Variants in JCAD observed in about 807,000 individuals in gnomAD.
JCAD encodes junctional cadherin 5 associated, also known as junctional cadherin 5-associated protein.
JCAD carries 40 observed loss-of-function variants against 98.0 expected under a neutral mutation model. The ratio of observed to expected loss-of-function variants is 0.41; its 90% confidence interval spans 0.32 to 0.53. JCAD has a LOEUF of 0.53. Among genes scored for constraint, JCAD ranks in the 20% least tolerant of loss-of-function variants. The pLI is 0.31. For missense variants in JCAD, 1,705 were observed against 1,738.1 expected, an observed-to-expected ratio of 0.98 and a Z score of 0.34; for synonymous variants, 691 against 682.3, an observed-to-expected ratio of 1.01 and a Z score of -0.20.
At chr10:30,062,528 G>C (rs541020281), upstream of JCAD, among the ~76,000 whole-genome samples, 1 of 152,350 alleles carries the variant, frequency 6.6e-6, no homozygotes, top group East Asian at 1.9e-4. Context: ...AAAGAGGAAA[G>C]AGGGTGTATT....
intron 2 of JCAD, among the ~76,000 whole-genome samples, chr10:30,031,428 G>C (rs956810837): frequency 6.7e-6 from 1 of 150,254 alleles, no homozygotes; most frequent in African/African-American, 2.5e-5. Flanking sequence ...ACCATGCCTG[G>C]CCCATCTGTA....
chr10:30,039,788 G>T (rs1302269513), intron 2 of JCAD, among the ~76,000 whole-genome samples: 1 of 152,084 alleles, frequency 6.6e-6, no homozygotes. Context: ...GGCGGCGTGG[G>T]TTTAAAGGCC....
chr10:30,040,358 AG>A (rs1468810106), intron 2 of JCAD, among the ~76,000 whole-genome samples: 1 of 152,228 alleles, frequency 6.6e-6, no homozygotes, highest in African/African-American at 2.4e-5. Flanking sequence ...CGTATCTAAT[AG>A]GTAAGGCAGA....
intron 1 of JCAD, among the ~76,000 whole-genome samples, chr10:30,094,342 C>T (rs768251291): frequency 7.9e-5 from 12 of 151,564 alleles, no homozygotes; most frequent in African/African-American, 2.4e-4. Flanking sequence ...TCCAGCTACT[C>T]GGAGGCTGAG....
chr10:30,072,848 C>T (rs909716784), intron 1 of JCAD, among the ~76,000 whole-genome samples: 1 of 152,118 alleles, frequency 6.6e-6, no homozygotes, highest in Non-Finnish European at 1.5e-5. Context: ...GACAAGGTTT[C>T]ACTATGTTGG....
rs138764094 is a variant in JCAD at position 30,044,095 on chromosome 10, C to G, written c.281+3437G>C. 1.8e-4 allele frequency among the ~76,000 whole-genome samples: 28 copies of G among 152,252 alleles called. No individual in the cohort carries two copies. In the East Asian group the frequency reaches 5.2e-3, roughly 28 times the overall value. On this transcript the variant is annotated intron_variant, in intron 2 of 3. Coordinates refer to ENST00000375377, the MANE Select transcript of JCAD (RefSeq NM_020848.4). Reference sequence around the variant, plus strand: ...TTGTTTGATCTCACTCTCTCACCTTCCACCATGAGATGACACAGCAAGAAG... The same window carrying G: ...TTGTTTGATCTCACTCTCTCACCTTGCACCATGAGATGACACAGCAAGAAG...
At chr10:30,025,213 C>G (rs1836763885) in intron 3 of JCAD, among the ~76,000 whole-genome samples, 1 of 151,820 alleles carries the variant, frequency 6.6e-6, no homozygotes, top group South Asian at 2.1e-4. Context: ...TTCTTTTCCC[C>G]TTACTGTAAA....
In JCAD at chr10:30,068,280, A is replaced by T. The variant is rs186732255; in HGVS notation, n.250+1420T>A. On this transcript the variant is annotated intron_variant and non_coding_transcript_variant, in intron 2 of 2. Coordinates refer to the JCAD transcript ENST00000465712. ...GTGGCAGGTACCTATAATCCCAGCT[A>T]CTTGGGAGGCTGAGGCAGGAGAATC... Among the ~76,000 whole-genome samples, 4 of 150,682 alleles carry T rather than the reference A, an allele frequency of 2.7e-5. No individual in the cohort carries two copies. In the East Asian group the frequency reaches 8.0e-4, roughly 30 times the overall value.
At chr10:30,046,636 T>A (rs1220519434) in intron 2 of JCAD, among the ~76,000 whole-genome samples, 1 of 152,190 alleles carries the variant, frequency 6.6e-6, no homozygotes, top group Non-Finnish European at 1.5e-5. Context: ...GACTCCTATC[T>A]GAGGCAAGAT....
In JCAD at chr10:30,028,757, G is replaced by C. The variant is rs543778736; in HGVS notation, c.1391C>G (p.Ala464Gly). ...ACCATCAGGCTGCATTCCTCCATGA[G>C]CCGGCTCTTGAGCAGTGACAGGACT... ...NSSPVTAQEP[A>G]HGGMQPDGAI... Residue 464 changes from alanine to glycine, a missense_variant, in exon 3 of 4, where the codon GCT becomes GGT. This residue lies in a region of JCAD where 1,278 missense variants were observed against 1,243.1 expected (regional missense o/e 1.03). Coordinates refer to ENST00000375377, the MANE Select transcript of JCAD (RefSeq NM_020848.4). 1 of 1,614,234 alleles carries C rather than the reference G, an allele frequency of 6.2e-7. No homozygotes were observed. Among genetic ancestry groups the C allele is most frequent in the Admixed American group, 1.7e-5 (1 of 60,032 alleles).
intron 1 of JCAD, among the ~76,000 whole-genome samples, chr10:30,049,013 A>G (rs139354396): frequency 0.029 from 4,391 of 152,330 alleles, 98 homozygotes; most frequent in Non-Finnish European, 0.044. Flanking sequence ...TAAACTGCAC[A>G]AAACAAGAGT....
At chr10:30,045,026 T>C (rs1231702927) in intron 2 of JCAD, among the ~76,000 whole-genome samples, 1 of 152,146 alleles carries the variant, frequency 6.6e-6, no homozygotes, top group African/African-American at 2.4e-5. Flanking sequence ...GCCAGATCTG[T>C]CGAGAACTCT....
chr10:30,028,831 G>C lies in JCAD; in HGVS notation c.1317C>G (p.Pro439=). ...GCTTTATGTCTTCACAGAAACCCTG[G>C]GGCTGAGCTAGTTTAAAATGTCGTA... The part of the protein sequence containing the change: ...PRLRHFKLAQ[P]QGFCEDIKLD... The change falls in exon 3 of 4, where the codon CCC becomes CCG. Residue 439 remains proline, a synonymous_variant. Transcript: ENST00000375377. The C allele has an allele frequency of 6.2e-7, 1 of 1,614,196 alleles. No homozygotes were observed. The highest frequency in any genetic ancestry group is 2.2e-5 in the East Asian group (1 of 44,884).
intron 1 of JCAD, among the ~76,000 whole-genome samples, chr10:30,092,127 A>ATATATATATATATATAT (rs1589715617): frequency 1.2e-5 from 1 of 80,890 alleles, no homozygotes. Flanking sequence ...TATATATATA[A>ATATATATATATATATAT]AAAACATTTT....
At chr10:30,034,017 G>C (rs1472081030) in intron 2 of JCAD, among the ~76,000 whole-genome samples, 1 of 151,890 alleles carries the variant, frequency 6.6e-6, no homozygotes, top group Non-Finnish European at 1.5e-5. Flanking sequence ...GAGGTCAGAA[G>C]TATGAGACCA....
At chr10:30,096,726 C>T (rs771945116) in intron 1 of JCAD, among the ~76,000 whole-genome samples, 4 of 151,490 alleles carry the variant, frequency 2.6e-5, no homozygotes, top group East Asian at 3.9e-4. Flanking sequence ...GCTCAGGTGG[C>T]GTCATGGAAT....
At chr10:30,025,531 TGGGAAGGGGAGGGGA>T (rs1403133168) in intron 3 of JCAD, among the ~76,000 whole-genome samples, 3 of 22,266 alleles carry the variant, frequency 1.3e-4, no homozygotes, top group African/African-American at 4.1e-4. Flanking sequence ...AAGAAAAAAA[TGGGAAGGGGAGGGGA>T]GGGGAGGGGA....
chr10:30,026,374 G>T lies in JCAD; in HGVS notation c.3774C>A (p.Arg1258=), dbSNP rs1729069736. 1 of 1,614,084 alleles carries T rather than the reference G, an allele frequency of 6.2e-7. No individual in the cohort carries two copies. The highest frequency in any genetic ancestry group is 1.3e-5 in the African/African-American group (1 of 74,922). ...ASPPRRADPD[R]LMRMKEVSSV... Reference sequence around the variant, plus strand: ...AGCTCACCTCTTTCATTCTCATCAGGCGGTCAGGGTCTGCTCTCCTAGGCG... The same window carrying T: ...AGCTCACCTCTTTCATTCTCATCAGTCGGTCAGGGTCTGCTCTCCTAGGCG... The change falls in exon 3 of 4, where the codon CGC becomes CGA. Residue 1258 remains arginine (R), a synonymous_variant. Coordinates refer to ENST00000375377, the MANE Select transcript of JCAD (RefSeq NM_020848.4).
intron 1 of JCAD, among the ~76,000 whole-genome samples, chr10:30,090,843 TG>T (rs1413790047): frequency 1.3e-5 from 2 of 152,182 alleles, no homozygotes; most frequent in East Asian, 1.9e-4. Context: ...ATAAATAAGA[TG>T]GGGGGCAAGG....
Sources: allele counts gnomAD v4.1 joint callset (sites outside exome capture counted in the v4.1 genomes callset), GRCh38; gene constraint gnomAD v4.1.1; regional missense constraint gnomAD v4.1.1; transcripts MANE v1.5; gene names NCBI Gene and HGNC (gene_info 2026-07-23, HGNC 2026-07-21).